The following MARS1 variants were observed in gnomAD, a reference collection of about 807,000 sequenced individuals.
The protein encoded by MARS1 is methionine--tRNA ligase, cytoplasmic.
MARS1 carries 80 observed loss-of-function variants against 119.5 expected under a neutral mutation model. That is an observed-to-expected ratio of 0.67 (90% confidence interval 0.56 to 0.81). The LOEUF (loss-of-function observed/expected upper bound fraction) is 0.81. MARS1 is among the 30% of genes least tolerant of loss of function. The pLI is 0.00. For synonymous variants in MARS1, 418 were observed against 433.4 expected (o/e 0.96, Z 0.44); for missense variants, 945 against 1,116.5 (o/e 0.85, Z 2.19).
chr12:57,500,522 G>A lies in MARS1; in HGVS notation c.1293G>A (p.Lys431=). The A allele has an allele frequency of 1.2e-6, 2 of 1,613,940 alleles. No homozygotes were observed. Among genetic ancestry groups the A allele is most frequent in the East Asian group, 2.2e-5 (1 of 44,866 alleles). Residue 431 remains lysine, a splice_region_variant and synonymous_variant, in exon 10 of 21, where the codon AAG becomes AAA. Coordinates refer to ENST00000262027, the MANE Select transcript of MARS1 (RefSeq NM_004990.4). ...AGCTCATCAATGCTGTCGAGCTTAA[G>A]GTAAGAGGAGGGTCTCCATGGGAGC... ...CGKLINAVEL[K]KPQCKVCRSC... is the part of the protein sequence containing the mutation.
intron 10 of MARS1, among the ~76,000 whole-genome samples, chr12:57,501,333 T>C (rs1876905729): frequency 6.6e-6 from 1 of 152,228 alleles, no homozygotes; most frequent in South Asian, 2.1e-4. Flanking sequence ...TAGATTTTAT[T>C]CTGGTGAATG....
intron 10 of MARS1, 27 bp downstream of exon 10, chr12:57,500,549 C>G (rs149809605): frequency 0.012 from 18,902 of 1,605,020 alleles, 167 homozygotes; most frequent in Non-Finnish European, 0.015. Flanking sequence ...CATGGGAGCC[C>G]GGAAGGAGAC....
intron 10 of MARS1, among the ~76,000 whole-genome samples, chr12:57,502,625 G>A (rs971424294): frequency 2.0e-5 from 3 of 148,034 alleles, no homozygotes; most frequent in African/African-American, 5.0e-5. Flanking sequence ...ATAATCTCTT[G>A]AACCTGGGAG....
intron 11 of MARS1, among the ~76,000 whole-genome samples, chr12:57,509,669 C>T (rs962109154): frequency 3.2e-4 from 49 of 152,134 alleles, no homozygotes; most frequent in Non-Finnish European, 6.6e-4. Flanking sequence ...CTTGGCCTCC[C>T]GAAGTGCTGG....
chr12:57,515,860 A>G (rs1877781550), intron 18 of MARS1, 60 bp from the exon 19 acceptor site: 4 of 1,302,150 alleles, frequency 3.1e-6, no homozygotes, highest in Non-Finnish European at 4.4e-6. Flanking sequence ...GGTCATCTGT[A>G]TAGTCTATGG....
At chr12:57,488,494 A>G in intron 1 of MARS1, 1 of 1,398,444 alleles carries the variant, frequency 7.2e-7, no homozygotes. Flanking sequence ...TCCTACACCT[A>G]TCAGGCATCC....
chr12:57,495,176 G>GC (rs1876535140), intron 7 of MARS1, among the ~76,000 whole-genome samples: 1 of 147,854 alleles, frequency 6.8e-6, no homozygotes, highest in South Asian at 2.2e-4. Flanking sequence ...GGCGGGGGCT[G>GC]CCCCCCACCT....
rs535952310 is a variant in MARS1 at position 57,497,042 on chromosome 12, G to C, written c.771-1115G>C. 3.9e-5 allele frequency among the ~76,000 whole-genome samples: 6 copies of C among 152,244 alleles called. No homozygotes were observed. In the East Asian group the frequency reaches 1.2e-3, roughly 29 times the overall value. ...CATATTTGCCTCTATACTTGCCACA[G>C]CAGTAAGCACACTCATTCTGAGAGA... On this transcript the variant is annotated intron_variant, in intron 7 of 20. Transcript: ENST00000262027.
At chr12:57,499,843 G>A (rs1434371254) in intron 9 of MARS1, among the ~76,000 whole-genome samples, 1 of 152,138 alleles carries the variant, frequency 6.6e-6, no homozygotes, top group Non-Finnish European at 1.5e-5. Context: ...GGCAGGCAGT[G>A]AGCTGAGATC....
chr12:57,488,784 T>A, intron 1 of MARS1: 1 of 891,602 alleles, frequency 1.1e-6, no homozygotes. Flanking sequence ...TACCACCACC[T>A]CCTCTGCAGT....
chr12:57,504,247 G>C lies in MARS1; in HGVS notation c.1316G>C (p.Arg439Pro), dbSNP rs778662742. Reference sequence around the variant, plus strand: ...CAGAAGCCTCAGTGTAAAGTCTGCCGATCATGCCCTGTGGTGCAGTCGAGC... The same window carrying C: ...CAGAAGCCTCAGTGTAAAGTCTGCCCATCATGCCCTGTGGTGCAGTCGAGC... ...ELKKPQCKVC[R>P]SCPVVQSSQH... Residue 439 changes from arginine (R) to proline (P), a missense_variant, in exon 11 of 21, where the codon CGA becomes CCA. Arg to Pro is a moderately radical substitution (Grantham distance 103). Coordinates refer to ENST00000262027, the MANE Select transcript of MARS1 (RefSeq NM_004990.4). 1 of 1,613,978 alleles carries C rather than the reference G, an allele frequency of 6.2e-7. No individual in the cohort carries two copies. The highest frequency in any genetic ancestry group is 8.5e-7 in the Non-Finnish European group (1 of 1,179,986).
In MARS1 at chr12:57,512,447, G is replaced by A; in HGVS notation, c.1753+94G>A. On this transcript the variant is annotated intron_variant, in intron 14 of 20. Coordinates refer to ENST00000262027, the MANE Select transcript of MARS1 (RefSeq NM_004990.4). ...AGATCTTGGAGAGCTGCTATCTTGA[G>A]TTAGGAGTTGAGCTGAAATAGGAAA... 21 of 872,122 alleles carry A rather than the reference G, an allele frequency of 2.4e-5. No homozygotes were observed. The South Asian group carries it at 2.9e-4, about 12-fold the overall frequency. 54.0% of individuals were successfully genotyped at this position (872,122 alleles called of 1,614,324 possible).
chr12:57,488,906 C>T lies in MARS1; in HGVS notation c.110-113C>T, dbSNP rs894170439. Reference sequence around the variant, plus strand: ...CTATCCTGGAACTTCTGGGTTGAGACTGCCCATCTTTCTTTTTTTACTCAC... The same window carrying T: ...CTATCCTGGAACTTCTGGGTTGAGATTGCCCATCTTTCTTTTTTTACTCAC... On this transcript the variant is annotated intron_variant, in intron 1 of 20. Coordinates refer to ENST00000262027, the MANE Select transcript of MARS1 (RefSeq NM_004990.4). The T allele has an allele frequency of 1.3e-5, 12 of 896,734 alleles. No homozygotes were observed. In the African/African-American group the frequency reaches 2.0e-4, roughly 15 times the overall value. The allele number at this position is 896,734 out of a possible 1,614,324, so 55.5% of individuals were successfully genotyped here. A position where few individuals can be genotyped will look rare whatever the true frequency, so the allele number is the denominator to read the frequency against.
rs118042640 is a variant in MARS1, at chr12:57,510,343, C to T, written c.1369-1355C>T. ...AAAAATTAGCCAGGCGTGGTGGCAC[C>T]GACCTGTAGTCCCAGCTACTCAGGA... On this transcript the variant is annotated intron_variant, in intron 11 of 20. Coordinates refer to ENST00000262027, the MANE Select transcript of MARS1 (RefSeq NM_004990.4). Among the ~76,000 whole-genome samples, 201 of 152,102 alleles carry T rather than the reference C, an allele frequency of 1.3e-3. 4 individuals are homozygous for T. In the East Asian group the frequency reaches 0.028, roughly 21 times the overall value.
rs189181266 is a variant in MARS1, at chr12:57,490,963, G to A, written c.770+319G>A. On this transcript the variant is annotated intron_variant, in intron 7 of 20. Coordinates refer to ENST00000262027, the MANE Select transcript of MARS1 (RefSeq NM_004990.4). The stretch of plus-strand genomic sequence containing the variant: ...GCGATCTCAGCTTACTGCAACCTCC[G>A]CCTCCCGGGTTCAAGCGAGTCTCCT... Among the ~76,000 whole-genome samples, 88 of 143,778 alleles carry A rather than the reference G, an allele frequency of 6.1e-4. 1 individual carries two copies. Among genetic ancestry groups the A allele is most frequent in the African/African-American group, 2.1e-3 (82 of 38,676 alleles). 94.3% of individuals were successfully genotyped at this position (143,778 alleles called of 152,430 possible).
At position 57,512,937 on chromosome 12, in the gene MARS1, T is replaced by C; in HGVS notation, c.1940T>C (p.Leu647Pro). 6.2e-7 allele frequency: 1 copy of C among 1,614,212 alleles called. No individual in the cohort carries two copies. The highest frequency in any genetic ancestry group is 1.3e-5 in the African/African-American group (1 of 75,044). Reference protein sequence around the residue: ...DLLLKNNSELLNNLGNFINRA... With the variant: ...DLLLKNNSELPNNLGNFINRA... ...CTGCTGAAGAATAATTCTGAGCTGCTTAACAACCTGGGCAACTTCATCAAC... is the reference window on the plus strand; with the variant it reads ...CTGCTGAAGAATAATTCTGAGCTGCCTAACAACCTGGGCAACTTCATCAAC... The change falls in exon 15 of 21, where the codon CTT (leucine) becomes CCT (proline). Residue 647 changes from leucine (L) to proline (P), a missense_variant. Leu to Pro is a moderately conservative substitution (Grantham distance 98). Coordinates refer to ENST00000262027, the MANE Select transcript of MARS1 (RefSeq NM_004990.4).
rs370559405 is a variant in MARS1 at position 57,500,439 on chromosome 12, G to C, written c.1210G>C (p.Val404Leu). The change falls in exon 10 of 21, where the codon GTG (valine) becomes CTG (leucine). Residue 404 changes from valine to leucine, a missense_variant. Transcript: ENST00000262027. ...RFLADRFVEG[V>L]CPFCGYEEAR... The stretch of plus-strand genomic sequence containing the variant: ...CCTGGCTGACCGCTTCGTGGAGGGC[G>C]TGTGTCCCTTCTGTGGCTATGAGGA... The C allele has an allele frequency of 6.8e-6, 11 of 1,614,074 alleles. No individual in the cohort carries two copies. In the African/African-American group the frequency reaches 1.5e-4, roughly 22 times the overall value.
intron 7 of MARS1, among the ~76,000 whole-genome samples, chr12:57,492,068 C>G (rs1023227983): frequency 3.3e-5 from 5 of 151,528 alleles, no homozygotes; most frequent in African/African-American, 1.2e-4. Context: ...TCATTTGAGT[C>G]AGGAGTTCAA....
intron 5 of MARS1, 112 bp downstream of exon 5, chr12:57,490,083 G>C (rs1875815869): frequency 9.7e-6 from 14 of 1,440,478 alleles, no homozygotes; most frequent in East Asian, 2.3e-5. Flanking sequence ...GGCAACTATA[G>C]CAGAAGATGG....
Sources: gnomAD v4.1 joint callset for allele counts (sites outside exome capture counted in the v4.1 genomes callset) on GRCh38, gnomAD v4.1.1 for gene constraint, MANE v1.5 for transcripts, NCBI Gene and HGNC (gene_info 2026-07-23, HGNC 2026-07-21) for gene names.